The following PACRG variants were observed in gnomAD, a reference collection of about 807,000 sequenced individuals.
PACRG encodes parkin coregulated, also known as parkin coregulated gene protein.
PACRG carries 29 observed loss-of-function variants against 29.7 expected under a neutral mutation model. That is an observed-to-expected ratio of 0.98 (90% CI 0.73 to 1.33). The LOEUF (loss-of-function observed/expected upper bound fraction) is 1.33. Among genes scored for constraint, PACRG ranks in the 40% most tolerant of loss-of-function variants. The pLI is 0.00. For missense variants in PACRG, 279 were observed against 316.2 expected, an observed-to-expected ratio of 0.88 and a Z score of 0.89; for synonymous variants, 116 against 118.7, an observed-to-expected ratio of 0.98 and a Z score of 0.15.
intron 4 of PACRG, among the ~76,000 whole-genome samples, chr6:163,121,852 C>T (rs550866274): frequency 3.3e-5 from 5 of 151,652 alleles, no homozygotes; most frequent in South Asian, 2.1e-4. Flanking sequence ...TTAGTAGACA[C>T]GGGGTTTCAC....
chr6:162,779,448 A>T (rs1338176173), intron 1 of PACRG, among the ~76,000 whole-genome samples: 2 of 152,216 alleles, frequency 1.3e-5, no homozygotes, highest in Non-Finnish European at 2.9e-5. Flanking sequence ...CCATTACAAT[A>T]TGGTACACCT....
At chr6:163,155,785 C>T (rs1419700215) in intron 4 of PACRG, among the ~76,000 whole-genome samples, 1 of 152,240 alleles carries the variant, frequency 6.6e-6, no homozygotes, top group African/African-American at 2.4e-5. Flanking sequence ...CCCACTCCGA[C>T]TGCAGGTAAG....
chr6:163,244,689 C>T (rs927173476), intron 4 of PACRG, among the ~76,000 whole-genome samples: 6 of 152,216 alleles, frequency 3.9e-5, no homozygotes, highest in South Asian at 2.1e-4. Flanking sequence ...TTTCTCAATA[C>T]GTCTGTCCTC....
intron 4 of PACRG, among the ~76,000 whole-genome samples, chr6:163,292,260 C>T (rs778244649): frequency 5.3e-5 from 8 of 152,190 alleles, no homozygotes; most frequent in Non-Finnish European, 1.0e-4. Flanking sequence ...TGCACTTTCA[C>T]AAGTGGCAAG....
chr6:163,086,079 G>A (rs1440642947), intron 3 of PACRG, among the ~76,000 whole-genome samples: 1 of 152,210 alleles, frequency 6.6e-6, no homozygotes, highest in Non-Finnish European at 1.5e-5. Flanking sequence ...GTGCAGTCCT[G>A]AAGCCTAAAC....
chr6:162,931,010 C>A (rs1797812674), intron 2 of PACRG, among the ~76,000 whole-genome samples: 1 of 151,336 alleles, frequency 6.6e-6, no homozygotes, highest in Non-Finnish European at 1.5e-5. Context: ...CATATACGTT[C>A]TTCAGTGATA....
intron 1 of PACRG, among the ~76,000 whole-genome samples, chr6:162,729,363 C>T (rs1584150546): frequency 6.6e-6 from 1 of 152,124 alleles, no homozygotes; most frequent in African/African-American, 2.4e-5. Flanking sequence ...ATTTCCTTTG[C>T]TTATAGGTTG....
intron 3 of PACRG, among the ~76,000 whole-genome samples, chr6:163,077,363 A>G (rs62427598): frequency 0.01 from 1,551 of 152,256 alleles, 39 homozygotes; most frequent in Admixed American, 0.061. Context: ...CGGTGGCTTC[A>G]TTAGGAGAGC....
chr6:162,827,527 A>C (rs1373841010), intron 2 of PACRG, among the ~76,000 whole-genome samples: 1 of 152,230 alleles, frequency 6.6e-6, no homozygotes, highest in Non-Finnish European at 1.5e-5. Flanking sequence ...AATGAGCTCC[A>C]CGACCAAATG....
At chr6:163,138,581 T>C (rs549213598) in intron 4 of PACRG, among the ~76,000 whole-genome samples, 166 of 152,260 alleles carry the variant, frequency 1.1e-3, no homozygotes, top group African/African-American at 3.9e-3. Flanking sequence ...CAGTTCACAA[T>C]AGGGTTCATG....
intron 4 of PACRG, among the ~76,000 whole-genome samples, chr6:163,109,634 A>G (rs1562921441): frequency 6.6e-6 from 1 of 152,214 alleles, no homozygotes; most frequent in Non-Finnish European, 1.5e-5. Context: ...TCAACTTCCT[A>G]AGCACCTCCT....
intron 4 of PACRG, among the ~76,000 whole-genome samples, chr6:163,308,208 C>CT (rs1172481988): frequency 4.9e-4 from 75 of 152,162 alleles, no homozygotes; most frequent in African/African-American, 1.7e-3. Context: ...TTGTTAATGA[C>CT]TTTTTTTAGC....
chr6:163,192,436 C>G (rs1480818248), intron 4 of PACRG, among the ~76,000 whole-genome samples: 2 of 152,190 alleles, frequency 1.3e-5, no homozygotes, highest in Non-Finnish European at 2.9e-5. Context: ...CGGGGACAAG[C>G]TGTATTTTCC....
At chr6:162,948,789 C>T (rs1444603082) in intron 2 of PACRG, among the ~76,000 whole-genome samples, 1 of 151,992 alleles carries the variant, frequency 6.6e-6, no homozygotes, top group African/African-American at 2.4e-5. Flanking sequence ...TAAAAATGCT[C>T]AACGTCACTA....
At chr6:163,033,401 G>T (rs1194887783) in intron 2 of PACRG, among the ~76,000 whole-genome samples, 1 of 152,218 alleles carries the variant, frequency 6.6e-6, no homozygotes, top group Non-Finnish European at 1.5e-5. Context: ...CAAAGAAACA[G>T]TGTATAACCT....
intron 2 of PACRG, chr6:163,054,088 A>G (rs1810304097): frequency 1.3e-5 from 2 of 152,272 alleles, no homozygotes; most frequent in Admixed American, 6.5e-5. Flanking sequence ...AGGACTTGCC[A>G]GTGAGAGGTC....
At chr6:163,068,747 T>C (rs995146579) in intron 3 of PACRG, among the ~76,000 whole-genome samples, 3 of 152,160 alleles carry the variant, frequency 2.0e-5, no homozygotes, top group African/African-American at 7.2e-5. Context: ...AAATTGTGAA[T>C]ATTTCACTTT....
intron 2 of PACRG, among the ~76,000 whole-genome samples, chr6:163,009,516 G>A (rs1805425431): frequency 6.6e-6 from 1 of 152,180 alleles, no homozygotes; most frequent in South Asian, 2.1e-4. Context: ...ATAGTTTTCA[G>A]AAATCACTTA....
intron 4 of PACRG, among the ~76,000 whole-genome samples, chr6:163,216,181 A>T (rs1301961780): frequency 2.0e-5 from 3 of 152,218 alleles, no homozygotes; most frequent in Non-Finnish European, 4.4e-5. Context: ...CGTTGTAAAG[A>T]GCATCTGGGG....
Sources: allele counts gnomAD v4.1 joint callset (sites outside exome capture counted in the v4.1 genomes callset), GRCh38; gene constraint gnomAD v4.1.1; transcripts MANE v1.5; gene names NCBI Gene and HGNC (gene_info 2026-07-23, HGNC 2026-07-21).